The following HECW2 variants were observed in gnomAD, a reference collection of about 807,000 sequenced individuals.
HECW2 encodes E3 ubiquitin-protein ligase HECW2.
Under a neutral mutation model 175.2 loss-of-function variants are expected in HECW2, and 61 were observed. The observed-to-expected ratio is 0.35, with a 90% CI of 0.28 to 0.43. The LOEUF (loss-of-function observed/expected upper bound fraction) is 0.43. Among genes scored for constraint, HECW2 ranks in the 20% least tolerant of loss-of-function variants. The probability of loss-of-function intolerance (pLI) is 1.00; values close to 1 mark genes in which losing one functional copy is unlikely to be tolerated. For missense variants in HECW2, 1,524 were observed against 2,000.5 expected (o/e 0.76, Z 4.54); for synonymous variants, 671 against 731.0 (o/e 0.92, Z 1.32).
Position 196,550,659 on chromosome 2 carries a change from T to A in HECW2, c.-36+42849A>T, listed in dbSNP as rs182264228. ...AACAAAAATGAGAACATGTTATAAA[T>A]GCTATTTTGTGACTATCTTTATTGC... is the stretch of plus-strand genomic sequence containing the variant. On this transcript the variant is annotated intron_variant, in intron 1 of 28. Transcript: ENST00000644978. Among the ~76,000 whole-genome samples, 620 of 152,328 alleles carry A rather than the reference T, an allele frequency of 4.1e-3. 14 individuals are homozygous for A. The highest frequency in any genetic ancestry group is 0.037 in the Admixed American group (573 of 15,302).
chr2:196,484,874 G>T (rs1686949461), intron 1 of HECW2, among the ~76,000 whole-genome samples: 2 of 152,230 alleles, frequency 1.3e-5, no homozygotes, highest in African/African-American at 2.4e-5. Context: ...ATTCAAGCAT[G>T]AAAGTTAAAG....
At chr2:196,529,518 A>G (rs572285941) in intron 1 of HECW2, among the ~76,000 whole-genome samples, 1 of 152,276 alleles carries the variant, frequency 6.6e-6, no homozygotes, top group Non-Finnish European at 1.5e-5. Flanking sequence ...CCAGGCTCAA[A>G]TGGCTATAAG....
chr2:196,242,327 C>A, intron 19 of HECW2, 123 bp from the exon 20 acceptor site: 1 of 1,267,146 alleles, frequency 7.9e-7, no homozygotes, highest in Non-Finnish European at 1.1e-6. Context: ...TTAACTTCTG[C>A]ATTTTTGATT....
chr2:196,367,636 C>T (rs938807432), intron 2 of HECW2, among the ~76,000 whole-genome samples: 2 of 152,138 alleles, frequency 1.3e-5, no homozygotes, highest in Non-Finnish European at 2.9e-5. Flanking sequence ...ACTTCCCCCG[C>T]AACCCACTAC....
At chr2:196,424,990 TTGAC>T (rs71012911) in intron 2 of HECW2, among the ~76,000 whole-genome samples, 94,720 of 151,424 alleles carry the variant, frequency 0.63, 32,487 homozygotes, top group East Asian at 0.94. Flanking sequence ...AAAGAACAGA[TTGAC>T]TCTCTTGTTA....
intron 24 of HECW2, among the ~76,000 whole-genome samples, chr2:196,221,209 C>T (rs1397037521): frequency 3.3e-5 from 5 of 152,286 alleles, no homozygotes; most frequent in East Asian, 1.9e-4. Context: ...GCCGATGAAT[C>T]GGCTTCAGAT....
intron 28 of HECW2, among the ~76,000 whole-genome samples, chr2:196,212,520 A>G (rs1268222602): frequency 2.0e-5 from 3 of 152,194 alleles, no homozygotes; most frequent in Non-Finnish European, 4.4e-5. Context: ...TACAAAGAAC[A>G]TGATCTCATT....
At chr2:196,435,115 CT>C in intron 1 of HECW2, among the ~76,000 whole-genome samples, 1 of 152,288 alleles carries the variant, frequency 6.6e-6, no homozygotes, top group Non-Finnish European at 1.5e-5. Flanking sequence ...ATGAAAATAA[CT>C]TGGACAAGAT....
chr2:196,271,016 T>C (rs1424826781), intron 17 of HECW2, among the ~76,000 whole-genome samples, 177 bp downstream of exon 17: 1 of 152,068 alleles, frequency 6.6e-6, no homozygotes, highest in Non-Finnish European at 1.5e-5. Context: ...CTTTTATACT[T>C]AATAGAGAGA....
chr2:196,467,003 C>A (rs1477936000), intron 1 of HECW2, among the ~76,000 whole-genome samples: 1 of 152,118 alleles, frequency 6.6e-6, no homozygotes, highest in Non-Finnish European at 1.5e-5. Flanking sequence ...ATACTAGTAC[C>A]AAGCCTGCTG....
intron 1 of HECW2, among the ~76,000 whole-genome samples, chr2:196,473,784 C>T (rs1001722596): frequency 2.0e-5 from 3 of 152,208 alleles, no homozygotes; most frequent in Non-Finnish European, 4.4e-5. Flanking sequence ...GAAAAGCCCA[C>T]GTGGGAACAG....
At chr2:196,432,570 G>A (rs1695747681) in intron 2 of HECW2, among the ~76,000 whole-genome samples, 1 of 152,122 alleles carries the variant, frequency 6.6e-6, no homozygotes, top group African/African-American at 2.4e-5. Flanking sequence ...TTTTATTAAA[G>A]CAAATAGCAA....
chr2:196,306,745 G>A, intron 12 of HECW2, 133 bp from the exon 13 acceptor site: 1 of 902,060 alleles, frequency 1.1e-6, no homozygotes, highest in South Asian at 2.3e-5. Context: ...ATCCCCCAAT[G>A]CTTTTTTCTT....
chr2:196,367,798 C>T (rs976500799), intron 2 of HECW2, among the ~76,000 whole-genome samples: 1 of 151,656 alleles, frequency 6.6e-6, no homozygotes, highest in Admixed American at 6.6e-5. Context: ...CCAGTATCAT[C>T]CATGTTGTTG....
intron 2 of HECW2, chr2:196,362,364 CACACACACACACACACAG>C (rs1693618378): frequency 6.2e-6 from 1 of 161,510 alleles, no homozygotes; most frequent in African/African-American, 2.5e-5. Flanking sequence ...CACACACACA[CACACACACACACACACAG>C]AGTGGGCTGA....
chr2:196,404,819 C>CTTTTTTTTTT (rs71012909), intron 2 of HECW2, among the ~76,000 whole-genome samples: 3 of 80,364 alleles, frequency 3.7e-5, no homozygotes, highest in African/African-American at 1.1e-4. Context: ...TTTTTCTTCT[C>CTTTTTTTTTT]TTTTTTTTTT....
chr2:196,509,144 T>C (rs1204239304), intron 1 of HECW2, among the ~76,000 whole-genome samples: 1 of 152,210 alleles, frequency 6.6e-6, no homozygotes, highest in Non-Finnish European at 1.5e-5. Flanking sequence ...GCCAGTTTAC[T>C]ACAAAAGATA....
At chr2:196,482,877 G>A (rs747491878) in intron 1 of HECW2, among the ~76,000 whole-genome samples, 15 of 152,060 alleles carry the variant, frequency 9.9e-5, no homozygotes, top group Admixed American at 7.2e-4. Context: ...GTTACACATC[G>A]CAACACCAGC....
In HECW2 at chr2:196,389,025, T is replaced by G. The variant is rs139655059; in HGVS notation, c.292+44107A>C. Among the ~76,000 whole-genome samples, 17 of 152,320 alleles carry G rather than the reference T, an allele frequency of 1.1e-4. No individual in the cohort carries two copies. The East Asian group carries it at 3.3e-3, about 29-fold the overall frequency. On this transcript the variant is annotated intron_variant, in intron 2 of 28. Transcript: ENST00000644978. Reference sequence around the variant, plus strand: ...GCCTTTATAGGCAACAGAAAAGCTATATAGTTCCTAGAATCTGAAGCATAA... The same window carrying G: ...GCCTTTATAGGCAACAGAAAAGCTAGATAGTTCCTAGAATCTGAAGCATAA...
Sources: allele counts gnomAD v4.1 joint callset (sites outside exome capture counted in the v4.1 genomes callset), GRCh38; gene constraint gnomAD v4.1.1; transcripts MANE v1.5; gene names NCBI Gene and HGNC (gene_info 2026-07-23, HGNC 2026-07-21).